PTCD3: variants seen among roughly 807,000 people sequenced by gnomAD.
PTCD3 encodes the protein small ribosomal subunit protein mS39.
PTCD3 carries 89 observed loss-of-function variants against 101.9 expected under a neutral mutation model. The ratio of observed to expected loss-of-function variants is 0.87; its 90% CI spans 0.74 to 1.04. PTCD3 has a LOEUF of 1.04. PTCD3 is among the 50% of genes least tolerant of loss of function. The pLI is 0.00. For synonymous variants in PTCD3, 296 were observed against 278.5 expected (o/e 1.06, Z -0.63); for missense variants, 870 against 828.2 (o/e 1.05, Z -0.62).
At chr2:86,130,851 TTA>T in intron 15 of PTCD3, 114 bp downstream of exon 15, 11 of 1,440,686 alleles carry the variant, frequency 7.6e-6, no homozygotes, top group African/African-American at 5.9e-5. Flanking sequence ...TTTTTTTTTT[TTA>T]AATAAATTTG....
At chr2:86,134,744 G>A in intron 20 of PTCD3, 95 bp from the exon 21 acceptor site, 1 of 1,360,134 alleles carries the variant, frequency 7.4e-7, no homozygotes, top group Non-Finnish European at 1.0e-6. Flanking sequence ...ATGGTAAAAT[G>A]CATTGCTCAG....
chr2:86,108,422 GA>G lies in PTCD3; in HGVS notation c.157+22del. On this transcript the variant is annotated intron_variant, in intron 2 of 23. Transcript: ENST00000254630. ...TAACAGGTATATTTTAAAATATATTGAATTCTATTTTTATATCAACACGTTG... is the reference window on the plus strand; with the variant it reads ...TAACAGGTATATTTTAAAATATATTGATTCTATTTTTATATCAACACGTTG... The G allele has an allele frequency of 6.3e-7, 1 of 1,597,094 alleles. No individual in the cohort carries two copies. Among genetic ancestry groups the G allele is most frequent in the Non-Finnish European group, 8.5e-7 (1 of 1,173,882 alleles).
In PTCD3 at chr2:86,106,269, C is replaced by T. The variant is rs367702182; in HGVS notation, c.22C>T (p.Arg8Cys). Residue 8 changes from arginine to cysteine, a missense_variant, in exon 1 of 24, where the codon CGC (arginine) becomes TGC (cysteine). Transcript: ENST00000254630. ...AAAGATGGCGGTTGTATCTGCTGTTCGCTGGCTGGGCCTCCGCAGCAGGCT... is the reference window on the plus strand; with the variant it reads ...AAAGATGGCGGTTGTATCTGCTGTTTGCTGGCTGGGCCTCCGCAGCAGGCT... MAVVSAV[R>C]WLGLRSRLGQ... The T allele has an allele frequency of 2.2e-5, 36 of 1,613,896 alleles. No homozygotes were observed. The highest frequency in any genetic ancestry group is 2.5e-5 in the Non-Finnish European group (30 of 1,180,014).
intron 7 of PTCD3, among the ~76,000 whole-genome samples, chr2:86,119,838 G>T (rs1358149159): frequency 6.6e-6 from 1 of 152,214 alleles, no homozygotes; most frequent in East Asian, 1.9e-4. Context: ...CTAAAATTGT[G>T]TGGTTCTCTG....
chr2:86,121,688 A>G, intron 8 of PTCD3, 94 bp downstream of exon 8: 1 of 729,010 alleles, frequency 1.4e-6, no homozygotes, highest in Non-Finnish European at 2.3e-6. Context: ...GCCATGTGTC[A>G]GGGTAGTAGA....
intron 13 of PTCD3, 33 bp from the exon 14 acceptor site, chr2:86,127,908 T>A (rs767217775): frequency 6.5e-7 from 1 of 1,544,652 alleles, no homozygotes; most frequent in Non-Finnish European, 9.0e-7. Context: ...TTTACCTCAT[T>A]GTTTATTTTT....
intron 9 of PTCD3, 130 bp from the exon 10 acceptor site, chr2:86,124,865 G>A: frequency 1.5e-6 from 2 of 1,297,310 alleles, no homozygotes; most frequent in Non-Finnish European, 2.0e-6. Flanking sequence ...ATAATACCCT[G>A]TAAGAATTGA....
At position 86,118,880 on chromosome 2, in the gene PTCD3, T is replaced by G. The variant is rs1674227913; in HGVS notation, c.415-41T>G. On this transcript the variant is annotated intron_variant, in intron 6 of 23. Transcript: ENST00000254630. ...CCTACTCAGTTATCCTTCCCTCACC[T>G]TTACCTGTTTGTAGTAACTTTAGTC... 5 of 1,596,814 alleles carry G rather than the reference T, an allele frequency of 3.1e-6. No individual in the cohort carries two copies. The Admixed American group carries it at 9.0e-5, about 29-fold the overall frequency.
At chr2:86,132,950 G>T (rs1182009282) in intron 17 of PTCD3, 8 of 573,670 alleles carry the variant, frequency 1.4e-5, no homozygotes, top group Non-Finnish European at 2.4e-5. Flanking sequence ...CATGACCTAA[G>T]AGTATACAGA....
intron 3 of PTCD3, 133 bp from the exon 4 acceptor site, chr2:86,110,980 A>G: frequency 1.2e-6 from 1 of 843,162 alleles, no homozygotes; most frequent in Non-Finnish European, 2.1e-6. Flanking sequence ...TATTCTAGTG[A>G]CCTTGTGACA....
At chr2:86,127,408 A>G (rs1674416032) in intron 13 of PTCD3, 103 bp downstream of exon 13, 3 of 1,341,432 alleles carry the variant, frequency 2.2e-6, no homozygotes, top group Admixed American at 5.0e-5. Context: ...TGCTTACATA[A>G]TATGTTGGAA....
At chr2:86,115,235 T>G (rs1558794404) in intron 4 of PTCD3, among the ~76,000 whole-genome samples, 1 of 152,182 alleles carries the variant, frequency 6.6e-6, no homozygotes, top group Non-Finnish European at 1.5e-5. Context: ...TGTTAACTCT[T>G]TTCTGCAAAA....
chr2:86,123,115 A>G (rs768177560), intron 8 of PTCD3, among the ~76,000 whole-genome samples: 7 of 152,112 alleles, frequency 4.6e-5, no homozygotes, highest in Non-Finnish European at 1.0e-4. Context: ...ACAAAAAATT[A>G]GCTGGGCGTG....
chr2:86,120,673 T>C (rs1674264028), intron 7 of PTCD3, among the ~76,000 whole-genome samples: 2 of 152,158 alleles, frequency 1.3e-5, no homozygotes, highest in African/African-American at 4.8e-5. Context: ...AACAGGAGGA[T>C]TGCTTGAGCC....
intron 6 of PTCD3, among the ~76,000 whole-genome samples, chr2:86,117,424 A>G (rs1205767812): frequency 1.3e-5 from 2 of 150,426 alleles, no homozygotes; most frequent in Non-Finnish European, 3.0e-5. Context: ...AGTTTCCTTC[A>G]CTACCTCTCT....
At chr2:86,124,798 A>T (rs527745363) in intron 9 of PTCD3, among the ~76,000 whole-genome samples, 197 bp from the exon 10 acceptor site, 3 of 152,352 alleles carry the variant, frequency 2.0e-5, no homozygotes, top group Non-Finnish European at 4.4e-5. Flanking sequence ...CGAAGCCCTG[A>T]CAACACATTA....
At chr2:86,125,930 A>C (rs1362142005) in intron 12 of PTCD3, 50 bp downstream of exon 12, 1 of 1,321,414 alleles carries the variant, frequency 7.6e-7, no homozygotes, top group African/African-American at 1.5e-5. Flanking sequence ...AATACTCTTT[A>C]CCAGAAATAC....
chr2:86,134,499 A>T lies in PTCD3; in HGVS notation c.1629+122A>T, dbSNP rs1674547764. On this transcript the variant is annotated intron_variant, in intron 20 of 23. Coordinates refer to ENST00000254630, the MANE Select transcript of PTCD3 (RefSeq NM_017952.6). ...TACCCAAACCCATATTTGAGTGATG[A>T]TACATCTAAACATATCTTGCCCTTA... 1.7e-5 allele frequency: 13 copies of T among 776,494 alleles called. 1 individual carries two copies. The South Asian group carries it at 2.3e-4, about 14-fold the overall frequency. 48.1% of individuals were successfully genotyped at this position (776,494 alleles called of 1,614,324 possible). A position where few individuals can be genotyped will look rare whatever the true frequency, so the allele number is the denominator to read the frequency against.
Position 86,139,235 on chromosome 2 carries a change from T to G in PTCD3, c.*1676T>G, listed in dbSNP as rs1674644528. 2.0e-5 allele frequency: 3 copies of G among 152,208 alleles called. No individual in the cohort carries two copies. Among genetic ancestry groups the G allele is most frequent in the Admixed American group, 2.0e-4 (3 of 15,274 alleles). The allele number at this position is 152,208 out of a possible 1,614,324, so 9.4% of individuals were successfully genotyped here. A position where few individuals can be genotyped will look rare whatever the true frequency, so the allele number is the denominator to read the frequency against. The stretch of plus-strand genomic sequence containing the variant: ...GTTCTCTTCGGCCGGGTGTGGTGAC[T>G]CACACCTGTAACCTCAGCACTTTGG... On this transcript the variant is annotated 3_prime_UTR_variant, in exon 24 of 24. Transcript: ENST00000254630.
Sources: gnomAD v4.1 joint callset for allele counts (sites outside exome capture counted in the v4.1 genomes callset) on GRCh38, gnomAD v4.1.1 for gene constraint, MANE v1.5 for transcripts, NCBI Gene and HGNC (gene_info 2026-07-23, HGNC 2026-07-21) for gene names.